The following SASH1 variants were observed in gnomAD, a reference collection of about 807,000 sequenced individuals.
SASH1 encodes the protein SAM and SH3 domain containing 1, also known as SAM and SH3 domain-containing protein 1.
SASH1 carries 44 observed loss-of-function variants against 125.2 expected under a neutral mutation model. That is an observed-to-expected ratio of 0.35 (90% confidence interval 0.28 to 0.45). The LOEUF (loss-of-function observed/expected upper bound fraction) is 0.45, where lower values mean the gene tolerates loss of function less well. Ranked by LOEUF, SASH1 falls within the 20% of genes least tolerant of loss-of-function variation. The probability of loss-of-function intolerance (pLI) is 1.00; values close to 1 mark genes in which losing one functional copy is unlikely to be tolerated. For missense variants in SASH1, 1,426 were observed against 1,614.5 expected (o/e 0.88, Z 2.00); for synonymous variants, 639 against 649.1 (o/e 0.98, Z 0.24).
chr6:148,210,949 A>G, the SASH1 span, among the ~76,000 whole-genome samples: 1 of 152,208 alleles, frequency 6.6e-6, no homozygotes, highest in East Asian at 1.9e-4. Flanking sequence ...AAGTTCTGTT[A>G]AAAAAGAAAA....
intron 4 of SASH1, among the ~76,000 whole-genome samples, chr6:148,444,323 A>C (rs1431054237): frequency 6.6e-6 from 1 of 152,224 alleles, no homozygotes; most frequent in Non-Finnish European, 1.5e-5. Flanking sequence ...TTAAAGTCTC[A>C]AGTCACAGGA....
intron 4 of SASH1, among the ~76,000 whole-genome samples, chr6:148,446,082 A>C (rs1259043890): frequency 8.1e-6 from 1 of 123,206 alleles, no homozygotes; most frequent in Non-Finnish European, 1.8e-5. Flanking sequence ...TGAACAACAT[A>C]GGGTTCTTTT....
In SASH1 at chr6:148,544,462, A is replaced by G. The variant is rs753641197; in HGVS notation, c.2992A>G (p.Asn998Asp). Reference sequence around the variant, plus strand: ...CAAAAAGAGCAGAGAACGCCTTGCTAACGGACTCCACCCTGTTCCCATGGG... The same window carrying G: ...CAAAAAGAGCAGAGAACGCCTTGCTGACGGACTCCACCCTGTTCCCATGGG... ...PAKKSRERLA[N>D]GLHPVPMGPS... is the part of the protein sequence containing the mutation. Residue 998 changes from asparagine to aspartate, a missense_variant, in exon 18 of 20, where the codon AAC (asparagine) becomes GAC (aspartate). Around this residue, in one of 3 missense-constraint regions of SASH1, gnomAD observed 634 missense variants for 694.4 expected, o/e 0.91. Coordinates refer to ENST00000367467, the MANE Select transcript of SASH1 (RefSeq NM_015278.5). This position sits in a 1 kb window ranked among gnomAD's most constrained non-coding sequence, Gnocchi z 6.4. The G allele has an allele frequency of 6.2e-7, 1 of 1,614,134 alleles. No homozygotes were observed. The highest frequency in any genetic ancestry group is 8.5e-7 in the Non-Finnish European group (1 of 1,180,018).
At chr6:148,358,300 C>T (rs1782036147) in intron 1 of SASH1, among the ~76,000 whole-genome samples, 2 of 152,158 alleles carry the variant, frequency 1.3e-5, no homozygotes, top group African/African-American at 4.8e-5. Flanking sequence ...AAGGATCAGC[C>T]AGAGACCAAT....
chr6:148,326,913 C>G (rs947459092), intron 1 of SASH1, among the ~76,000 whole-genome samples: 1 of 152,186 alleles, frequency 6.6e-6, no homozygotes, highest in Admixed American at 6.5e-5. Flanking sequence ...ACCGTCACAT[C>G]CTGCCCTCCA....
At chr6:148,516,699 C>T (rs1173734620) in intron 9 of SASH1, among the ~76,000 whole-genome samples, 2 of 152,034 alleles carry the variant, frequency 1.3e-5, no homozygotes, top group Non-Finnish European at 2.9e-5. Flanking sequence ...TAAGCACTTA[C>T]ACCATCCTCA....
intron 8 of SASH1, among the ~76,000 whole-genome samples, chr6:148,507,275 C>G (rs571325972): frequency 1.3e-5 from 2 of 152,288 alleles, no homozygotes; most frequent in African/African-American, 4.8e-5. Context: ...GGGGATGGAG[C>G]TCTGGTGATC....
intron 2 of SASH1, among the ~76,000 whole-genome samples, chr6:148,420,549 C>G (rs1415726987): frequency 6.6e-6 from 1 of 152,076 alleles, no homozygotes; most frequent in Non-Finnish European, 1.5e-5. Context: ...AGTTTACATG[C>G]CACTGTTTAT....
At chr6:148,482,189 A>G (rs988680740) in intron 7 of SASH1, among the ~76,000 whole-genome samples, 3 of 152,316 alleles carry the variant, frequency 2.0e-5, no homozygotes, top group Admixed American at 1.3e-4. Context: ...ATAGTAGTAA[A>G]TGTATTGGAA....
At chr6:148,546,504 T>C (rs932854524) in intron 19 of SASH1, among the ~76,000 whole-genome samples, 1 of 152,126 alleles carries the variant, frequency 6.6e-6, no homozygotes, top group African/African-American at 2.4e-5. Context: ...CCCCATCTCT[T>C]AAGAAATAAA....
At chr6:148,240,733 T>G in the SASH1 span, among the ~76,000 whole-genome samples, 2 of 152,136 alleles carry the variant, frequency 1.3e-5, no homozygotes, top group Non-Finnish European at 2.9e-5. Flanking sequence ...CTTTTCAACA[T>G]GATAAAGAGG....
intron 1 of SASH1, among the ~76,000 whole-genome samples, chr6:148,294,183 G>A (rs77394057): frequency 0.018 from 2,712 of 152,284 alleles, 63 homozygotes; most frequent in African/African-American, 0.061. Flanking sequence ...AAAAAAATTC[G>A]GGTCCATGGC....
At chr6:148,512,908 GTCA>G (rs1780230263) in intron 8 of SASH1, 3 of 985,388 alleles carry the variant, frequency 3.0e-6, no homozygotes, top group South Asian at 9.4e-5. Context: ...TTTGCTGATA[GTCA>G]TACAGGGAGA....
intron 7 of SASH1, among the ~76,000 whole-genome samples, chr6:148,484,594 G>A (rs1778763790): frequency 6.6e-6 from 1 of 150,522 alleles, no homozygotes; most frequent in Non-Finnish European, 1.5e-5. Flanking sequence ...AAAAAAAATA[G>A]AGAGCTTGTT....
chr6:148,369,680 GTGGTGACTCA>G (rs1486280091), intron 1 of SASH1, among the ~76,000 whole-genome samples: 1 of 152,040 alleles, frequency 6.6e-6, no homozygotes, highest in East Asian at 1.9e-4. Flanking sequence ...CTGGCCGGAC[GTGGTGACTCA>G]TGCCTGCGAT....
chr6:148,387,583 T>C (rs1562370901), intron 1 of SASH1, among the ~76,000 whole-genome samples: 4 of 6,534 alleles, frequency 6.1e-4, no homozygotes, highest in Middle Eastern at 0.083. Flanking sequence ...TTTCTTTCTT[T>C]CTTTCTTTCT....
At position 148,549,063 on chromosome 6, in the gene SASH1, A is replaced by T; in HGVS notation, c.*505A>T. ...AAAAGTTAGAACATCTGGCTGCACC[A>T]GGAAAAAAAAAAAAAAAAAGTCCTG... On this transcript the variant is annotated 3_prime_UTR_variant, in exon 20 of 20. Coordinates refer to ENST00000367467, the MANE Select transcript of SASH1 (RefSeq NM_015278.5). 1 of 133,924 alleles carries T rather than the reference A, an allele frequency of 7.5e-6. No individual in the cohort carries two copies. 8.3% of individuals were successfully genotyped at this position (133,924 alleles called of 1,614,324 possible).
intron 1 of SASH1, among the ~76,000 whole-genome samples, chr6:148,369,966 CAAAAA>C (rs562924566): frequency 9.6e-5 from 9 of 93,596 alleles, no homozygotes; most frequent in South Asian, 4.4e-4. Flanking sequence ...AAAAGAAAAA[CAAAAA>C]AAAAAAAAAA....
intron 15 of SASH1, 110 bp downstream of exon 15, chr6:148,534,090 T>G: frequency 1.2e-6 from 1 of 843,220 alleles, no homozygotes; most frequent in South Asian, 1.7e-5. Context: ...ATCTGTGTGG[T>G]CCAATAAGGG....
Sources: gnomAD v4.1 joint callset for allele counts (sites outside exome capture counted in the v4.1 genomes callset) on GRCh38, gnomAD v4.1.1 for gene constraint, gnomAD v4.1.1 regional missense constraint, Gnocchi (gnomAD v3.1) non-coding constraint, MANE v1.5 for transcripts, NCBI Gene and HGNC (gene_info 2026-07-23, HGNC 2026-07-21) for gene names.